NTRK3: variants seen among roughly 807,000 people sequenced by gnomAD.
NTRK3 encodes the protein NT-3 growth factor receptor.
Under a neutral mutation model 91.7 loss-of-function variants are expected in NTRK3, and 24 were observed. That is an observed-to-expected ratio of 0.26 (90% CI 0.19 to 0.37). The LOEUF (loss-of-function observed/expected upper bound fraction) is 0.37. Ranked by LOEUF, NTRK3 falls within the 10% of genes least tolerant of loss-of-function variation. The pLI is 1.00. For synonymous variants in NTRK3, 483 were observed against 404.0 expected, an observed-to-expected ratio of 1.20 and a Z score of -2.34; for missense variants, 880 against 1,068.9, an observed-to-expected ratio of 0.82 and a Z score of 2.46.
At position 88,170,500 on chromosome 15, in the gene NTRK3, T is replaced by C. The variant is rs187088706; in HGVS notation, c.395+12918A>G. Among the ~76,000 whole-genome samples the C allele has an allele frequency of 2.8e-3, 419 of 152,356 alleles. 7 individuals are homozygous for C. The East Asian group carries it at 0.034, about 12-fold the overall frequency. The stretch of plus-strand genomic sequence containing the variant: ...TGTTTGTCAAAGTCCTTTCTCAACA[T>C]TGTTCACTCTGTCCTCACAATAACC... On this transcript the variant is annotated intron_variant, in intron 5 of 18. Coordinates refer to ENST00000394480, the Ensembl canonical transcript of NTRK3.
intron 3 of NTRK3, among the ~76,000 whole-genome samples, chr15:88,190,534 G>T (rs943245767): frequency 8.5e-5 from 13 of 152,234 alleles, no homozygotes; most frequent in South Asian, 2.1e-4. Flanking sequence ...AACGGTTATC[G>T]CATCCATTTT....
chr15:88,034,432 T>C (rs547876463), intron 13 of NTRK3, among the ~76,000 whole-genome samples: 13 of 152,324 alleles, frequency 8.5e-5, no homozygotes, highest in Non-Finnish European at 1.3e-4. Context: ...GGTAGAAGAA[T>C]GCTTCTGTTT....
At chr15:87,900,028 T>G (rs1198832224) in intron 17 of NTRK3, among the ~76,000 whole-genome samples, 1 of 152,206 alleles carries the variant, frequency 6.6e-6, no homozygotes, top group Non-Finnish European at 1.5e-5. Flanking sequence ...GGATGCTTGC[T>G]GCTGAGAGGA....
At chr15:87,868,585 G>A in exon 19 of NTRK3, 1 of 220,804 alleles carries the variant, frequency 4.5e-6, no homozygotes, top group African/African-American at 2.2e-5. Flanking sequence ...CAACCATGCT[G>A]AGCAACTCTG....
intron 13 of NTRK3, among the ~76,000 whole-genome samples, chr15:88,038,214 ATGTCT>A (rs2079241404): frequency 9.0e-6 from 1 of 111,348 alleles, no homozygotes; most frequent in African/African-American, 5.0e-5. Flanking sequence ...ATAATTCATC[ATGTCT>A]TCTGATGTAT....
intron 14 of NTRK3, among the ~76,000 whole-genome samples, chr15:87,945,079 A>AGGGGAGGC (rs2070317311): frequency 6.6e-6 from 1 of 152,222 alleles, no homozygotes; most frequent in South Asian, 2.1e-4. Flanking sequence ...AGACACTGGA[A>AGGGGAGGC]GGGGAGGCAG....
rs77154994 is a variant in NTRK3, at chr15:88,107,648, G to A, written c.1396+18623C>T. 9.9e-3 allele frequency among the ~76,000 whole-genome samples: 1,505 copies of A among 152,172 alleles called. 32 individuals carry two copies. The highest frequency in any genetic ancestry group is 0.034 in the African/African-American group (1,428 of 41,514). Reference sequence around the variant, plus strand: ...TTGTGGCCCATTCCTGGTCTCTCAAGAGCAGTGAGAGACAGGAGCCCAAGG... The same window carrying A: ...TTGTGGCCCATTCCTGGTCTCTCAAAAGCAGTGAGAGACAGGAGCCCAAGG... On this transcript the variant is annotated intron_variant, in intron 13 of 18. Coordinates refer to ENST00000394480, the Ensembl canonical transcript of NTRK3.
chr15:88,033,200 ATATATATATATATAT>A (rs2078740669), intron 13 of NTRK3, among the ~76,000 whole-genome samples, 155 bp from the exon 14 acceptor site: 4 of 130,708 alleles, frequency 3.1e-5, no homozygotes, highest in Non-Finnish European at 6.4e-5. Flanking sequence ...ATATATATAT[ATATATATATATATAT>A]AAATTCAGTT....
chr15:88,213,933 G>C (rs1209159102), intron 3 of NTRK3, among the ~76,000 whole-genome samples: 1 of 152,034 alleles, frequency 6.6e-6, no homozygotes, highest in South Asian at 2.1e-4. Context: ...TACAAAATTA[G>C]CCAGGCGTGG....
At chr15:88,212,463 T>G (rs2049337675) in intron 3 of NTRK3, among the ~76,000 whole-genome samples, 1 of 152,228 alleles carries the variant, frequency 6.6e-6, no homozygotes, top group Admixed American at 6.5e-5. Context: ...AGACATTTTA[T>G]GCTGGTGGTC....
chr15:88,157,696 G>C (rs1226156157), intron 5 of NTRK3, among the ~76,000 whole-genome samples: 4 of 152,112 alleles, frequency 2.6e-5, no homozygotes, highest in Admixed American at 2.6e-4. Flanking sequence ...CACGAGGGAC[G>C]CCGAGACTGT....
At chr15:88,177,515 G>A (rs748973365) in intron 5 of NTRK3, among the ~76,000 whole-genome samples, 8 of 152,208 alleles carry the variant, frequency 5.3e-5, no homozygotes, top group African/African-American at 1.9e-4. Flanking sequence ...GTAAAGGAAA[G>A]AGAGGCATCA....
chr15:87,979,926 AT>A (rs2074068725), intron 14 of NTRK3, among the ~76,000 whole-genome samples: 1 of 152,176 alleles, frequency 6.6e-6, no homozygotes. Flanking sequence ...CCAGAGGGGC[AT>A]TTCTAATTCT....
intron 5 of NTRK3, among the ~76,000 whole-genome samples, chr15:88,167,988 A>T (rs2045143129): frequency 6.6e-6 from 1 of 152,110 alleles, no homozygotes; most frequent in Non-Finnish European, 1.5e-5. Flanking sequence ...GAGGGAGATG[A>T]TTTTCTTACC....
intron 3 of NTRK3, among the ~76,000 whole-genome samples, chr15:88,223,271 G>T (rs1041439536): frequency 4.6e-5 from 7 of 152,228 alleles, no homozygotes; most frequent in Admixed American, 6.5e-5. Flanking sequence ...GGTCACCCGG[G>T]AGGACGCAGT....
At chr15:88,013,141 A>C (rs111912167) in intron 14 of NTRK3, among the ~76,000 whole-genome samples, 30 of 79,830 alleles carry the variant, frequency 3.8e-4, no homozygotes, top group East Asian at 7.7e-4. Flanking sequence ...ACTGGTAAAG[A>C]CCCACTACCA....
At chr15:87,981,298 C>T (rs766834603) in intron 14 of NTRK3, 3 of 1,595,634 alleles carry the variant, frequency 1.9e-6, no homozygotes. Flanking sequence ...GTTGATGGGA[C>T]TAGATGATCT....
chr15:88,221,568 A>C (rs1271508543), intron 3 of NTRK3, among the ~76,000 whole-genome samples: 1 of 152,240 alleles, frequency 6.6e-6, no homozygotes, highest in Non-Finnish European at 1.5e-5. Flanking sequence ...AGGCAGGTGG[A>C]TCCCTTGAGC....
intron 3 of NTRK3, among the ~76,000 whole-genome samples, chr15:88,197,600 C>T (rs761628605): frequency 1.3e-5 from 2 of 152,150 alleles, no homozygotes; most frequent in Non-Finnish European, 2.9e-5. Context: ...CTCTGTTTCC[C>T]GTGTCCAAAC....
Sources: allele counts gnomAD v4.1 joint callset (sites outside exome capture counted in the v4.1 genomes callset), GRCh38; gene constraint gnomAD v4.1.1; transcripts MANE v1.5; gene names NCBI Gene and HGNC (gene_info 2026-07-23, HGNC 2026-07-21).